SERBP1: variants seen among roughly 807,000 people sequenced by gnomAD.
SERBP1 encodes SERPINE1 mRNA-binding protein 1.
A neutral mutation model predicts 50.2 loss-of-function variants in SERBP1; 6 were observed. That is an observed-to-expected ratio of 0.12 (90% CI 0.07 to 0.24). SERBP1 has a LOEUF of 0.24. SERBP1 is among the 10% of genes least tolerant of loss of function. The probability of loss-of-function intolerance (pLI) is 1.00; values close to 1 mark genes in which losing one functional copy is unlikely to be tolerated. For synonymous variants in SERBP1, 168 were observed against 182.8 expected, an observed-to-expected ratio of 0.92 and a Z score of 0.65; for missense variants, 346 against 524.9, an observed-to-expected ratio of 0.66 and a Z score of 3.33.
At chr1:67,414,235 T>C (rs145066855) in intron 7 of SERBP1, among the ~76,000 whole-genome samples, 3 of 152,290 alleles carry the variant, frequency 2.0e-5, no homozygotes, top group African/African-American at 7.2e-5. Context: ...GGAACTAATA[T>C]CTAAGTAGCA....
intron 1 of SERBP1, among the ~76,000 whole-genome samples, chr1:67,428,125 T>C (rs527466103): frequency 6.6e-6 from 1 of 152,362 alleles, no homozygotes; most frequent in African/African-American, 2.4e-5. Flanking sequence ...AAAACGGGTA[T>C]TGTCCATTCA....
rs551738576 is a variant in SERBP1, at chr1:67,426,234, T to C, written c.365A>G (p.Lys122Arg). ...RPDQQLQGEG[K>R]IIDRRPERRP... ...CCTTTCTGGTCTTCTATCAATTATT[T>C]TCCCTTCACCCTGAAGTTGTTGATC... Residue 122 changes from lysine (K) to arginine (R), a missense_variant, in exon 2 of 8, where the codon AAA becomes AGA. Around this residue, in one of 5 missense-constraint regions of SERBP1, gnomAD observed 257 missense variants for 331.2 expected, o/e 0.78. Coordinates refer to ENST00000361219, the MANE Select transcript of SERBP1 (RefSeq NM_001018069.2). 1.2e-5 allele frequency: 19 copies of C among 1,609,644 alleles called. No homozygotes were observed. The South Asian group carries it at 1.9e-4, about 16-fold the overall frequency.
In SERBP1 at chr1:67,411,587, C is replaced by G. The variant is rs1666846945; in HGVS notation, c.*1620G>C. On this transcript the variant is annotated 3_prime_UTR_variant, in exon 8 of 8. Coordinates refer to ENST00000361219, the MANE Select transcript of SERBP1 (RefSeq NM_001018069.2). ...CATCATTAAAAACAATTACCTCCTT[C>G]CTAAAATGTCAGAATAGTAGGTAAC... 1 of 152,124 alleles carries G rather than the reference C, an allele frequency of 6.6e-6. No individual in the cohort carries two copies. The highest frequency in any genetic ancestry group is 1.5e-5 in the Non-Finnish European group (1 of 68,002). 9.4% of individuals were successfully genotyped at this position (152,124 alleles called of 1,614,324 possible).
At position 67,409,011 on chromosome 1, in the gene SERBP1, T is replaced by C. The variant is rs1666727792; in HGVS notation, c.*4196A>G. 6.6e-6 allele frequency: 1 copy of C among 152,172 alleles called. No homozygotes were observed. Among genetic ancestry groups the C allele is most frequent in the African/African-American group, 2.4e-5 (1 of 41,412 alleles). 9.4% of individuals were successfully genotyped at this position (152,172 alleles called of 1,614,324 possible). A position where few individuals can be genotyped will look rare whatever the true frequency, so the allele number is the denominator to read the frequency against. On this transcript the variant is annotated 3_prime_UTR_variant, in exon 8 of 8. Transcript: ENST00000361219. ...CCCAGACTGGAGTACAGTGCTATGATCTTGGCTCACTGCAACCCCCACCTC... is the reference window on the plus strand; with the variant it reads ...CCCAGACTGGAGTACAGTGCTATGACCTTGGCTCACTGCAACCCCCACCTC...
Position 67,412,995 on chromosome 1 carries a change from T to A in SERBP1, c.*212A>T. On this transcript the variant is annotated 3_prime_UTR_variant, in exon 8 of 8. Transcript: ENST00000361219. ...TGAAAACATCCCTGCTACCAATACA[T>A]TTCTAAATACAAAACTGACTACCAT... 1.7e-6 allele frequency: 1 copy of A among 593,826 alleles called. No individual in the cohort carries two copies. Among genetic ancestry groups the A allele is most frequent in the East Asian group, 3.4e-5 (1 of 29,124 alleles). 36.8% of individuals were successfully genotyped at this position (593,826 alleles called of 1,614,324 possible).
rs1311400529 is a variant in SERBP1, at chr1:67,408,129, C to A, written c.*5078G>T. On this transcript the variant is annotated 3_prime_UTR_variant, in exon 8 of 8. Coordinates refer to ENST00000361219, the MANE Select transcript of SERBP1 (RefSeq NM_001018069.2). ...TCCTTAATATTAGCCCTTCACTTTC[C>A]ATGCTTCCACCCAGTAACACCTAAA... 6.6e-6 allele frequency: 1 copy of A among 152,172 alleles called. No individual in the cohort carries two copies. The highest frequency in any genetic ancestry group is 1.9e-4 in the East Asian group (1 of 5,202). 9.4% of individuals were successfully genotyped at this position (152,172 alleles called of 1,614,324 possible). A position where few individuals can be genotyped will look rare whatever the true frequency, so the allele number is the denominator to read the frequency against.
In SERBP1 at chr1:67,426,299, A is replaced by G. The variant is rs1177180889; in HGVS notation, c.314-14T>C. The G allele has an allele frequency of 1.3e-6, 2 of 1,568,810 alleles. No homozygotes were observed. The highest frequency in any genetic ancestry group is 8.6e-7 in the Non-Finnish European group (1 of 1,160,480). The stretch of plus-strand genomic sequence containing the variant: ...CTCGTCTTATTCCTAAAACGATAAG[A>G]TAACCTGCATAAGCAAATTATTTTT... On this transcript the variant is annotated splice_polypyrimidine_tract_variant and intron_variant, in intron 1 of 7. Transcript: ENST00000361219.
intron 5 of SERBP1, among the ~76,000 whole-genome samples, chr1:67,421,817 GGTGGAGCATGC>G (rs1667206060): frequency 1.3e-5 from 2 of 152,156 alleles, no homozygotes; most frequent in African/African-American, 4.8e-5. Flanking sequence ...AGCCAGGCAT[GGTGGAGCATGC>G]CTGTAGTCCC....
intron 5 of SERBP1, among the ~76,000 whole-genome samples, chr1:67,422,252 G>T (rs1392979768): frequency 6.6e-6 from 1 of 151,938 alleles, no homozygotes; most frequent in African/African-American, 2.4e-5. Context: ...GGCAGCTCAC[G>T]CCTGTAATCC....
intron 6 of SERBP1, among the ~76,000 whole-genome samples, chr1:67,419,556 T>C (rs1174012177): frequency 5.9e-5 from 9 of 152,200 alleles, no homozygotes; most frequent in African/African-American, 1.2e-4. Context: ...TTATATATGG[T>C]ATAGGCAGAC....
chr1:67,413,816 C>CT (rs201292572), intron 7 of SERBP1, among the ~76,000 whole-genome samples: 1,539 of 150,960 alleles, frequency 0.01, 26 homozygotes, highest in African/African-American at 0.035. Flanking sequence ...TTCTTTTTCT[C>CT]TTTTTTTTTG....
chr1:67,414,019 AC>A (rs1666925353), intron 7 of SERBP1, among the ~76,000 whole-genome samples: 1 of 152,092 alleles, frequency 6.6e-6, no homozygotes, highest in Non-Finnish European at 1.5e-5. Context: ...CAAATTCCCA[AC>A]CTCAGGTGAT....
intron 4 of SERBP1, 133 bp downstream of exon 4, chr1:67,424,755 A>C: frequency 1.4e-6 from 1 of 705,990 alleles, no homozygotes; most frequent in Non-Finnish European, 2.4e-6. Flanking sequence ...CCATCCCATA[A>C]GACATTATCT....
chr1:67,417,075 TC>T (rs1667035365), intron 6 of SERBP1: 1 of 152,166 alleles, frequency 6.6e-6, no homozygotes, highest in Admixed American at 6.6e-5. Context: ...GGTGTGTAGT[TC>T]CAGCTACTCA....
Position 67,413,170 on chromosome 1 carries a change from G to GT in SERBP1, c.*36dup, listed in dbSNP as rs1365791437. 2 of 1,571,736 alleles carry GT rather than the reference G, an allele frequency of 1.3e-6. No individual in the cohort carries two copies. The highest frequency in any genetic ancestry group is 2.4e-5 in the South Asian group (2 of 82,876). ...GCATGCAAAAGCTTTGAACAGAAGG[G>GT]TTCACAAAGGAACCAGGGTTGTCTT... is the stretch of plus-strand genomic sequence containing the variant. On this transcript the variant is annotated 3_prime_UTR_variant, in exon 8 of 8. Coordinates refer to ENST00000361219, the MANE Select transcript of SERBP1 (RefSeq NM_001018069.2).
chr1:67,418,868 A>G (rs908071226), intron 6 of SERBP1, among the ~76,000 whole-genome samples: 2 of 152,282 alleles, frequency 1.3e-5, no homozygotes, highest in East Asian at 3.8e-4. Context: ...TTTCTGGCAC[A>G]GCCCAATTTA....
At chr1:67,429,850 T>G in intron 1 of SERBP1, 138 bp downstream of exon 1, 1 of 1,017,194 alleles carries the variant, frequency 9.8e-7, no homozygotes, top group South Asian at 1.6e-5. Flanking sequence ...ACCGGACTTT[T>G]GTCGCGTGAA....
At chr1:67,429,224 T>C (rs1371224969) in intron 1 of SERBP1, among the ~76,000 whole-genome samples, 1 of 152,170 alleles carries the variant, frequency 6.6e-6, no homozygotes, top group Non-Finnish European at 1.5e-5. Flanking sequence ...AGATTCAGTT[T>C]GGGGAGTCGA....
chr1:67,429,537 A>T (rs41300343), intron 1 of SERBP1: 6,863 of 154,760 alleles, frequency 0.044, 194 homozygotes, highest in Non-Finnish European at 0.068. Flanking sequence ...CAGGAGCCTG[A>T]AACAACAGCA....
Sources: gnomAD v4.1 joint callset for allele counts (sites outside exome capture counted in the v4.1 genomes callset) on GRCh38, gnomAD v4.1.1 for gene constraint, gnomAD v4.1.1 regional missense constraint, MANE v1.5 for transcripts, NCBI Gene and HGNC (gene_info 2026-07-23, HGNC 2026-07-21) for gene names.